Variants in NEK7 observed in about 807,000 individuals in gnomAD.
The protein encoded by NEK7 is NIMA related kinase 7, also known as serine/threonine-protein kinase Nek7.
In NEK7, 18 loss-of-function variants were observed where a neutral mutation model predicts 44.6. That is an observed-to-expected ratio of 0.40 (90% CI 0.28 to 0.60). The LOEUF (loss-of-function observed/expected upper bound fraction) is 0.60, where lower values mean the gene tolerates loss of function less well. NEK7 is among the 20% of genes least tolerant of loss of function. NEK7 has a pLI of 0.38. For missense variants in NEK7, 256 were observed against 366.5 expected (o/e 0.70, Z 2.46); for synonymous variants, 130 against 121.1 (o/e 1.07, Z -0.48).
chr1:198,256,215 A>G, intron 3 of NEK7: 1 of 1,253,888 alleles, frequency 8.0e-7, no homozygotes, highest in Non-Finnish European at 1.1e-6. Flanking sequence ...GATACCATCC[A>G]GAATCCTCAG....
chr1:198,248,857 G>T (rs1015503270), intron 2 of NEK7, among the ~76,000 whole-genome samples: 1 of 151,486 alleles, frequency 6.6e-6, no homozygotes, highest in Non-Finnish European at 1.5e-5. Flanking sequence ...GTGTGTGTGG[G>T]TTCTGCAATT....
intron 1 of NEK7, among the ~76,000 whole-genome samples, chr1:198,210,041 G>A (rs555364586): frequency 3.9e-5 from 6 of 152,174 alleles, no homozygotes; most frequent in South Asian, 2.1e-4. Flanking sequence ...TAGGCAGTCC[G>A]CCTGCCTGGG....
intron 9 of NEK7, among the ~76,000 whole-genome samples, chr1:198,298,884 A>G (rs1307046214): frequency 6.6e-6 from 1 of 152,204 alleles, no homozygotes; most frequent in Non-Finnish European, 1.5e-5. Context: ...TTTAATGATG[A>G]TACCACTAGT....
At chr1:198,250,983 T>A (rs1281686187) in intron 2 of NEK7, among the ~76,000 whole-genome samples, 1 of 152,110 alleles carries the variant, frequency 6.6e-6, no homozygotes, top group Non-Finnish European at 1.5e-5. Flanking sequence ...ATGCTTCCAG[T>A]TTTTGCCCAT....
intron 2 of NEK7, among the ~76,000 whole-genome samples, chr1:198,233,711 G>A (rs1211384560): frequency 6.9e-6 from 1 of 145,802 alleles, no homozygotes; most frequent in Non-Finnish European, 1.5e-5. Flanking sequence ...GGTATAGGCT[G>A]TAGTGTTTTC....
intron 1 of NEK7, among the ~76,000 whole-genome samples, chr1:198,223,072 T>A (rs776708932): frequency 6.6e-6 from 1 of 152,082 alleles, no homozygotes; most frequent in African/African-American, 2.4e-5. Context: ...TGAGAGAGAC[T>A]GGGCTGGAAA....
chr1:198,298,645 A>G (rs1558100829), intron 9 of NEK7, among the ~76,000 whole-genome samples: 1 of 152,264 alleles, frequency 6.6e-6, no homozygotes, highest in Non-Finnish European at 1.5e-5. Context: ...ACAATAATGC[A>G]AAATGATAGC....
intron 1 of NEK7, among the ~76,000 whole-genome samples, chr1:198,223,690 G>T (rs139521997): frequency 6.1e-4 from 93 of 152,048 alleles, no homozygotes; most frequent in African/African-American, 2.2e-3. Context: ...GACATTACTT[G>T]TTGTTAATGA....
intron 1 of NEK7, among the ~76,000 whole-genome samples, chr1:198,169,921 C>A (rs1664385537): frequency 6.6e-6 from 1 of 152,104 alleles, no homozygotes; most frequent in South Asian, 2.1e-4. Context: ...CAGAACTTGC[C>A]ATTTAAAGAA....
At chr1:198,200,635 C>T (rs1294254795) in intron 1 of NEK7, among the ~76,000 whole-genome samples, 1 of 151,586 alleles carries the variant, frequency 6.6e-6, no homozygotes, top group Non-Finnish European at 1.5e-5. Context: ...ACTGCAACCT[C>T]TGCCACCTGG....
chr1:198,167,726 T>TA (rs1664309540), intron 1 of NEK7, among the ~76,000 whole-genome samples: 1 of 152,192 alleles, frequency 6.6e-6, no homozygotes, highest in South Asian at 2.1e-4. Flanking sequence ...TAGTTACCAT[T>TA]ACCTACCTGT....
chr1:198,227,501 C>A (rs1391328936), intron 1 of NEK7, among the ~76,000 whole-genome samples: 1 of 152,166 alleles, frequency 6.6e-6, no homozygotes, highest in Non-Finnish European at 1.5e-5. Flanking sequence ...TAAAAGTGTT[C>A]CTATTTCTCC....
intron 1 of NEK7, among the ~76,000 whole-genome samples, chr1:198,210,751 T>TC: frequency 8.5e-6 from 1 of 117,512 alleles, no homozygotes; most frequent in Non-Finnish European, 1.8e-5. Flanking sequence ...CTTTTTTTTT[T>TC]TTTTTTTTTT....
intron 9 of NEK7, among the ~76,000 whole-genome samples, chr1:198,311,685 A>C (rs945505928): frequency 2.6e-5 from 4 of 152,178 alleles, no homozygotes; most frequent in South Asian, 2.1e-4. Flanking sequence ...TTCTGCATCT[A>C]TTGAGATAAT....
At chr1:198,220,539 A>G (rs1666052760) in intron 1 of NEK7, among the ~76,000 whole-genome samples, 1 of 152,122 alleles carries the variant, frequency 6.6e-6, no homozygotes, top group Non-Finnish European at 1.5e-5. Context: ...AAATGTTAAG[A>G]ATGAACTATC....
intron 1 of NEK7, among the ~76,000 whole-genome samples, chr1:198,211,937 C>T (rs943913736): frequency 3.9e-5 from 6 of 152,224 alleles, no homozygotes; most frequent in African/African-American, 4.8e-5. Flanking sequence ...CACACACTCC[C>T]GCAGGGGAGC....
chr1:198,272,111 T>C (rs549354157), intron 5 of NEK7, among the ~76,000 whole-genome samples: 2 of 151,632 alleles, frequency 1.3e-5, no homozygotes, highest in Non-Finnish European at 3.0e-5. Flanking sequence ...CCTTGATACT[T>C]AAGTAGTTTG....
chr1:198,190,610 C>T (rs1403032837), intron 1 of NEK7, among the ~76,000 whole-genome samples: 3 of 152,008 alleles, frequency 2.0e-5, no homozygotes, highest in South Asian at 2.1e-4. Flanking sequence ...ATTTTAAAAT[C>T]TGTGACTCAT....
At chr1:198,282,435 T>C (rs1157349666) in intron 7 of NEK7, among the ~76,000 whole-genome samples, 2 of 152,144 alleles carry the variant, frequency 1.3e-5, no homozygotes, top group East Asian at 3.9e-4. Flanking sequence ...GTTTTTCCTC[T>C]TGCTTTCTTG....
Sources: gnomAD v4.1 joint callset for allele counts (sites outside exome capture counted in the v4.1 genomes callset) on GRCh38, gnomAD v4.1.1 for gene constraint, MANE v1.5 for transcripts, NCBI Gene and HGNC (gene_info 2026-07-23, HGNC 2026-07-21) for gene names.